The following GNL3L variants were observed in gnomAD, a reference collection of about 807,000 sequenced individuals.
GNL3L encodes the protein guanine nucleotide-binding protein-like 3-like protein.
A neutral mutation model predicts 42.9 loss-of-function variants in GNL3L; 4 were observed. The observed-to-expected ratio is 0.09, with a 90% confidence interval of 0.05 to 0.21. GNL3L has a LOEUF of 0.21. Among genes scored for constraint, GNL3L ranks in the 10% least tolerant of loss-of-function variants. GNL3L has a pLI of 1.00. For synonymous variants in GNL3L, 159 were observed against 176.3 expected, an observed-to-expected ratio of 0.90 and a Z score of 0.78; for missense variants, 412 against 481.7, an observed-to-expected ratio of 0.86 and a Z score of 1.36.
Position 54,561,210 on chromosome X carries a change from A to ACCTACAAAACTCTG in GNL3L, c.*622_*635dup, listed in dbSNP as rs1392046193. The ACCTACAAAACTCTG allele has an allele frequency of 8.9e-6, 1 of 112,338 alleles. No individual in the cohort carries two copies. Among genetic ancestry groups the ACCTACAAAACTCTG allele is most frequent in the South Asian group, 3.7e-4 (1 of 2,700 alleles). 9.3% of individuals were successfully genotyped at this position (112,338 alleles called of 1,213,427 possible). The stretch of plus-strand genomic sequence containing the variant: ...AGGTGCTAACACCTGTTGAGGGCTG[A>ACCTACAAAACTCTG]CCTACAAAACTCTGCCTACAAAACT... On this transcript the variant is annotated 3_prime_UTR_variant, in exon 16 of 16. Coordinates refer to ENST00000360845, the MANE Select transcript of GNL3L (RefSeq NM_001184819.2).
downstream of GNL3L, among the ~76,000 whole-genome samples, chrX:54,622,247 G>A (rs1458896512): frequency 9.5e-6 from 1 of 105,670 alleles, no homozygotes; most frequent in Non-Finnish European, 1.9e-5. Flanking sequence ...TTTAAAATTG[G>A]GTTGTCTTTT....
rs189852452 is a variant in GNL3L, at chrX:54,604,350, A to T, written c.*46-16495A>T. 2.7e-5 allele frequency among the ~76,000 whole-genome samples: 3 copies of T among 112,060 alleles called. No homozygotes were observed. In the East Asian group the frequency reaches 8.4e-4, roughly 31 times the overall value. ...ATCAAGTCATTTGGGAATAAATGCA[A>T]TCATTAATAATAAACCAGAGGAAGA... On this transcript the variant is annotated intron_variant, in intron 16 of 16. Transcript: ENST00000674498.
chrX:54,590,793 G>GATTTATTT (rs752558764), intron 16 of GNL3L, among the ~76,000 whole-genome samples: 166 of 109,779 alleles, frequency 1.5e-3, no homozygotes, highest in African/African-American at 5.1e-3. Context: ...TTAGGTCTTA[G>GATTTATTT]ATTTATTTAT....
chrX:54,564,548 T>TG lies in GNL3L; in HGVS notation c.*3949dup, dbSNP rs1467442853. Among the ~76,000 whole-genome samples the TG allele has an allele frequency of 1.0e-5, 1 of 98,330 alleles. No individual in the cohort carries two copies. Among genetic ancestry groups the TG allele is most frequent in the East Asian group, 3.3e-4 (1 of 3,029 alleles). 85.4% of individuals were successfully genotyped at this position (98,330 alleles called of 115,157 possible). ...TCAGCCTCCCGAGTAGCTGGGATTA[T>TG]GGGCGCCCGCCACCACGCCCAGCTA... On this transcript the variant is annotated 3_prime_UTR_variant, in exon 16 of 16. Coordinates refer to ENST00000360845, the MANE Select transcript of GNL3L (RefSeq NM_001184819.2).
At chrX:54,539,238 T>C in intron 3 of GNL3L, 137 bp downstream of exon 3, 1 of 372,639 alleles carries the variant, frequency 2.7e-6, no homozygotes. Context: ...TTTCCCTCCT[T>C]CTCTGGGTGG....
downstream of GNL3L, among the ~76,000 whole-genome samples, chrX:54,568,744 G>A (rs1190464931): frequency 2.7e-5 from 3 of 111,350 alleles, no homozygotes; most frequent in African/African-American, 9.8e-5. Flanking sequence ...TAGTAGAGAT[G>A]GGGTTTCACC....
the GNL3L span, among the ~76,000 whole-genome samples, chrX:54,645,258 T>C: frequency 3.6e-5 from 4 of 111,893 alleles, no homozygotes; most frequent in Non-Finnish European, 7.5e-5. Flanking sequence ...GTAATAGTGG[T>C]GATAATGGGG....
intron 16 of GNL3L, among the ~76,000 whole-genome samples, chrX:54,619,626 G>C (rs1296724180): frequency 9.0e-6 from 1 of 110,727 alleles, no homozygotes; most frequent in East Asian, 2.8e-4. Flanking sequence ...AAAATGCTGG[G>C]ATTACGGATG....
At chrX:54,537,757 A>T (rs1042861483) in intron 2 of GNL3L, among the ~76,000 whole-genome samples, 2 of 110,307 alleles carry the variant, frequency 1.8e-5, no homozygotes, top group African/African-American at 6.6e-5. Flanking sequence ...TTAAGTTTTG[A>T]CTGTTAAAGC....
intron 16 of GNL3L, among the ~76,000 whole-genome samples, chrX:54,580,709 G>T (rs1278346288): frequency 8.9e-6 from 1 of 112,070 alleles, no homozygotes; most frequent in Non-Finnish European, 1.9e-5. Context: ...GTGTGAGATG[G>T]TATCTCATTG....
In GNL3L at chrX:54,607,115, TTC is replaced by T. The variant is rs1177451831; in HGVS notation, c.*46-13728_*46-13727del. Reference sequence around the variant, plus strand: ...TTTCTTTCTTTCTTTCTTTCTTTCTTTCTTTCTTTCTTTCTTTCTTTCTTTGT... The same window carrying T: ...TTTCTTTCTTTCTTTCTTTCTTTCTTTTTCTTTCTTTCTTTCTTTCTTTGT... On this transcript the variant is annotated intron_variant, in intron 16 of 16. Coordinates refer to the GNL3L transcript ENST00000674498. 5.9e-5 allele frequency among the ~76,000 whole-genome samples: 5 copies of T among 85,004 alleles called. No homozygotes were observed. In the East Asian group the frequency reaches 1.1e-3, roughly 19 times the overall value. The allele number at this position is 85,004 out of a possible 115,157, so 73.8% of individuals were successfully genotyped here. A position where few individuals can be genotyped will look rare whatever the true frequency, so the allele number is the denominator to read the frequency against.
chrX:54,580,657 A>G (rs1925703177), intron 16 of GNL3L, among the ~76,000 whole-genome samples: 1 of 111,431 alleles, frequency 9.0e-6, no homozygotes, highest in African/African-American at 3.3e-5. Context: ...CCTCTCCAGC[A>G]CCTGTTGTTT....
chrX:54,543,145 G>C, intron 6 of GNL3L, 62 bp from the exon 7 acceptor site: 1 of 1,155,972 alleles, frequency 8.7e-7, no homozygotes, highest in Non-Finnish European at 1.2e-6. Flanking sequence ...TTGTTTCACA[G>C]GCCTGCATCA....
rs1187511310 is a variant in GNL3L, at chrX:54,530,434, C to A, written c.-48+15C>A. ...GGAATAGAGAGGTAAACAGCAGGAT[C>A]CCTTCCAGGGTAGAAGGGACCGGAA... On this transcript the variant is annotated intron_variant, in intron 1 of 15. Coordinates refer to ENST00000360845, the MANE Select transcript of GNL3L (RefSeq NM_001184819.2). 2 of 111,668 alleles carry A rather than the reference C, an allele frequency of 1.8e-5. No homozygotes were observed. The highest frequency in any genetic ancestry group is 3.8e-5 in the Non-Finnish European group (2 of 53,024). The allele number at this position is 111,668 out of a possible 1,213,427, so 9.2% of individuals were successfully genotyped here.
At position 54,551,050 on chromosome X, in the gene GNL3L, A is replaced by G; in HGVS notation, c.863A>G (p.Lys288Arg). Reference protein sequence around the residue: ...CSVGAVPGITKFMQEVYLDKF... With the variant: ...CSVGAVPGITRFMQEVYLDKF... ...GTGGGAGCTGTTCCTGGAATTACCAAGTAAGCACCTGCCTGCTCCTCCACT... is the reference window on the plus strand; with the variant it reads ...GTGGGAGCTGTTCCTGGAATTACCAGGTAAGCACCTGCCTGCTCCTCCACT... The change falls in exon 10 of 16, where the codon AAA becomes AGA. Residue 288 changes from lysine (K) to arginine (R), a missense_variant and splice_region_variant. Coordinates refer to ENST00000360845, the MANE Select transcript of GNL3L (RefSeq NM_001184819.2). 1 of 1,009,273 alleles carries G rather than the reference A, an allele frequency of 9.9e-7. No individual in the cohort carries two copies. Among genetic ancestry groups the G allele is most frequent in the Non-Finnish European group, 1.4e-6 (1 of 710,714 alleles). 83.2% of individuals were successfully genotyped at this position (1,009,273 alleles called of 1,213,427 possible). A position where few individuals can be genotyped will look rare whatever the true frequency, so the allele number is the denominator to read the frequency against.
At chrX:54,597,169 T>G (rs956264010) in intron 16 of GNL3L, among the ~76,000 whole-genome samples, 5 of 111,593 alleles carry the variant, frequency 4.5e-5, no homozygotes, top group African/African-American at 1.6e-4. Context: ...AGCCAGCAAG[T>G]CTCAGAGTCT....
chrX:54,548,427 T>G, intron 9 of GNL3L, 54 bp downstream of exon 9: 1 of 990,606 alleles, frequency 1.0e-6, no homozygotes, highest in Middle Eastern at 2.6e-4. Context: ...AGCGGACACT[T>G]CGCTGGGGGA....
At position 54,565,824 on chromosome X, in the gene GNL3L, GTT is replaced by G. The variant is rs766645013; in HGVS notation, c.*5242_*5243del. ...AGGATTATATGCTGGATACAGGGGTGTTTTTTTTTTTTTTTTTTTTTGAAACA... is the reference window on the plus strand; with the variant it reads ...AGGATTATATGCTGGATACAGGGGTGTTTTTTTTTTTTTTTTTTTGAAACA... On this transcript the variant is annotated 3_prime_UTR_variant, in exon 16 of 16. Coordinates refer to ENST00000360845, the MANE Select transcript of GNL3L (RefSeq NM_001184819.2). Among the ~76,000 whole-genome samples the G allele has an allele frequency of 4.6e-4, 31 of 67,839 alleles. 1 individual carries two copies. Among genetic ancestry groups the G allele is most frequent in the African/African-American group, 1.8e-3 (24 of 13,441 alleles). The allele number at this position is 67,839 out of a possible 115,157, so 58.9% of individuals were successfully genotyped here. A position where few individuals can be genotyped will look rare whatever the true frequency, so the allele number is the denominator to read the frequency against.
At chrX:54,630,501 C>G in the GNL3L span, among the ~76,000 whole-genome samples, 2 of 110,672 alleles carry the variant, frequency 1.8e-5, no homozygotes, top group African/African-American at 3.3e-5. Flanking sequence ...ATCTTGATTT[C>G]ATTGTTGACT....
Sources: allele counts gnomAD v4.1 joint callset (sites outside exome capture counted in the v4.1 genomes callset), GRCh38; gene constraint gnomAD v4.1.1; transcripts MANE v1.5; gene names NCBI Gene and HGNC (gene_info 2026-07-23, HGNC 2026-07-21).